NEK10: variants seen among roughly 807,000 people sequenced by gnomAD.
NEK10 encodes NIMA related kinase 10.
In NEK10, 122 loss-of-function variants were observed where a neutral mutation model predicts 159.8. The ratio of observed to expected loss-of-function variants is 0.76; its 90% CI spans 0.66 to 0.89. NEK10 has a LOEUF of 0.89. Among genes scored for constraint, NEK10 ranks in the 40% least tolerant of loss-of-function variants. NEK10 has a pLI of 0.00. For missense variants in NEK10, 1,342 were observed against 1,323.1 expected (o/e 1.01, Z -0.22); for synonymous variants, 466 against 457.1 (o/e 1.02, Z -0.25).
At position 27,302,056 on chromosome 3, in the gene NEK10, T is replaced by C. The variant is rs1472331124; in HGVS notation, c.1029-221A>G. ...TCACTATTTATTGAAAAGTGTCCTCTCCCCACTGCTCTACATGGCCACCTT... is the reference window on the plus strand; with the variant it reads ...TCACTATTTATTGAAAAGTGTCCTCCCCCCACTGCTCTACATGGCCACCTT... On this transcript the variant is annotated intron_variant, in intron 12 of 35. Transcript: ENST00000691995. Among the ~76,000 whole-genome samples, 5 of 152,310 alleles carry C rather than the reference T, an allele frequency of 3.3e-5. No homozygotes were observed. In the East Asian group the frequency reaches 9.7e-4, roughly 29 times the overall value.
chr3:27,144,826 A>G (rs1210183106), intron 30 of NEK10, among the ~76,000 whole-genome samples: 1 of 152,068 alleles, frequency 6.6e-6, no homozygotes, highest in African/African-American at 2.4e-5. Context: ...GGCTCAAGCA[A>G]TCCTCCTGCC....
At chr3:27,188,324 A>G (rs1260094530) in intron 26 of NEK10, among the ~76,000 whole-genome samples, 1 of 152,182 alleles carries the variant, frequency 6.6e-6, no homozygotes, top group African/African-American at 2.4e-5. Flanking sequence ...TTCCAAGTAG[A>G]TTATCAGTTA....
At chr3:27,337,707 C>A (rs998490814) in intron 5 of NEK10, among the ~76,000 whole-genome samples, 4 of 152,106 alleles carry the variant, frequency 2.6e-5, no homozygotes, top group African/African-American at 9.7e-5. Flanking sequence ...AAAAAGGACA[C>A]CCTCTTCAAT....
In NEK10 at chr3:27,311,770, C is replaced by T. The variant is rs1371348419; in HGVS notation, c.568+329G>A. On this transcript the variant is annotated intron_variant, in intron 8 of 35. Coordinates refer to ENST00000691995, the MANE Select transcript of NEK10 (RefSeq NM_001394966.1). Reference sequence around the variant, plus strand: ...TATGAGGTAGGCAATCATGATTAACCCAACTTTATAGAAAAAAAACTGGAT... The same window carrying T: ...TATGAGGTAGGCAATCATGATTAACTCAACTTTATAGAAAAAAAACTGGAT... 3.7e-5 allele frequency: 10 copies of T among 273,204 alleles called. No homozygotes were observed. In the South Asian group the frequency reaches 4.7e-4, roughly 13 times the overall value. The allele number at this position is 273,204 out of a possible 1,614,324, so 16.9% of individuals were successfully genotyped here.
At chr3:27,216,791 A>T (rs1951573323) in intron 23 of NEK10, among the ~76,000 whole-genome samples, 1 of 152,230 alleles carries the variant, frequency 6.6e-6, no homozygotes, top group African/African-American at 2.4e-5. Context: ...AGCTGTTATT[A>T]ATAAGCCCTG....
At chr3:27,347,361 G>C (rs2047630775) in intron 3 of NEK10, among the ~76,000 whole-genome samples, 1 of 151,898 alleles carries the variant, frequency 6.6e-6, no homozygotes, top group South Asian at 2.1e-4. Context: ...AATTAGCCAG[G>C]TGTGGTGGCA....
intron 35 of NEK10, among the ~76,000 whole-genome samples, chr3:27,111,935 TGC>T (rs1939612059): frequency 6.6e-6 from 1 of 152,230 alleles, no homozygotes; most frequent in Non-Finnish European, 1.5e-5. Context: ...AAATAGAGCC[TGC>T]TTTGGGAAGA....
At chr3:27,361,512 T>C (rs2048684487) in intron 1 of NEK10, among the ~76,000 whole-genome samples, 1 of 152,240 alleles carries the variant, frequency 6.6e-6, no homozygotes, top group Non-Finnish European at 1.5e-5. Context: ...GTATATTCTA[T>C]TTCCTGATTT....
intron 22 of NEK10, among the ~76,000 whole-genome samples, chr3:27,259,536 C>T (rs1296109381): frequency 7.9e-5 from 12 of 152,112 alleles, no homozygotes; most frequent in East Asian, 3.9e-4. Flanking sequence ...TGTAGATATG[C>T]GGCATTATTT....
At chr3:27,268,716 T>C (rs2041098746) in intron 22 of NEK10, among the ~76,000 whole-genome samples, 1 of 152,350 alleles carries the variant, frequency 6.6e-6, no homozygotes. Context: ...AATGTTATTT[T>C]CATGTCTGCT....
chr3:27,216,224 G>A (rs1413369786), intron 23 of NEK10: 1 of 245,660 alleles, frequency 4.1e-6, no homozygotes, highest in Non-Finnish European at 7.7e-6. Context: ...CCCAAGAGAA[G>A]GGTCCTTAAT....
intron 29 of NEK10, among the ~76,000 whole-genome samples, chr3:27,169,441 G>A (rs1946758429): frequency 6.6e-6 from 1 of 152,136 alleles, no homozygotes. Context: ...AGAACGTCAT[G>A]AGGTCTTACA....
intron 23 of NEK10, among the ~76,000 whole-genome samples, chr3:27,249,197 C>T (rs3099205): frequency 6.6e-6 from 1 of 152,202 alleles, no homozygotes; most frequent in Non-Finnish European, 1.5e-5. Flanking sequence ...AGCCTTGCTT[C>T]CCCTGTCTTC....
At chr3:27,223,252 G>T (rs1215753503) in intron 23 of NEK10, among the ~76,000 whole-genome samples, 3 of 152,074 alleles carry the variant, frequency 2.0e-5, no homozygotes, top group Non-Finnish European at 4.4e-5. Context: ...TTCCTGTCTG[G>T]AAACAAGGAT....
At chr3:27,202,336 C>T (rs1950126490) in intron 24 of NEK10, 92 bp downstream of exon 24, 7 of 1,162,356 alleles carry the variant, frequency 6.0e-6, no homozygotes, top group Non-Finnish European at 8.2e-6. Context: ...TTTTAATGGG[C>T]AGTTATATAC....
At chr3:27,141,138 A>G (rs940927742) in intron 31 of NEK10, among the ~76,000 whole-genome samples, 11 of 152,088 alleles carry the variant, frequency 7.2e-5, no homozygotes, top group African/African-American at 2.7e-4. Context: ...TGTGGGCACT[A>G]TTTTCCTCTT....
At chr3:27,286,686 G>A (rs1391647849) in intron 20 of NEK10, among the ~76,000 whole-genome samples, 1 of 151,366 alleles carries the variant, frequency 6.6e-6, no homozygotes, top group Non-Finnish European at 1.5e-5. Flanking sequence ...CACCGTGCCC[G>A]GCCGCCATTT....
intron 1 of NEK10, among the ~76,000 whole-genome samples, chr3:27,357,209 G>A (rs562685527): frequency 7.2e-5 from 11 of 152,256 alleles, no homozygotes; most frequent in African/African-American, 2.4e-4. Flanking sequence ...AGAAGGCCAG[G>A]AACTGGGCTT....
rs573381796 is a variant in NEK10, at chr3:27,111,329, T to C, written c.3300-9A>G. On this transcript the variant is annotated splice_polypyrimidine_tract_variant and intron_variant, in intron 35 of 35. Coordinates refer to ENST00000691995, the MANE Select transcript of NEK10 (RefSeq NM_001394966.1). ...ATGGATAGGAATGATACCTATAAGATTCAGAAGTGGAAAGAATTCTCTATA... is the reference window on the plus strand; with the variant it reads ...ATGGATAGGAATGATACCTATAAGACTCAGAAGTGGAAAGAATTCTCTATA... The C allele has an allele frequency of 6.3e-7, 1 of 1,574,878 alleles. No homozygotes were observed. The highest frequency in any genetic ancestry group is 2.4e-5 in the East Asian group (1 of 42,370).
Sources: gnomAD v4.1 joint callset for allele counts (sites outside exome capture counted in the v4.1 genomes callset) on GRCh38, gnomAD v4.1.1 for gene constraint, MANE v1.5 for transcripts, NCBI Gene and HGNC (gene_info 2026-07-23, HGNC 2026-07-21) for gene names.